PIEZO2: variants seen among roughly 807,000 people sequenced by gnomAD.
PIEZO2 encodes the protein piezo-type mechanosensitive ion channel component 2.
PIEZO2 carries 172 observed loss-of-function variants against 337.3 expected under a neutral mutation model. That is an observed-to-expected ratio of 0.51 (90% CI 0.45 to 0.58). The LOEUF (loss-of-function observed/expected upper bound fraction) is 0.58, where lower values mean the gene tolerates loss of function less well. Ranked by LOEUF, PIEZO2 falls within the 20% of genes least tolerant of loss-of-function variation. The pLI, the probability that PIEZO2 is intolerant of heterozygous loss-of-function variation, is 0.00. For synonymous variants in PIEZO2, 1,251 were observed against 1,228.5 expected, an observed-to-expected ratio of 1.02 and a Z score of -0.38; for missense variants, 3,028 against 3,391.3, an observed-to-expected ratio of 0.89 and a Z score of 2.66.
intron 3 of PIEZO2, among the ~76,000 whole-genome samples, chr18:10,976,010 A>T (rs2034429773): frequency 6.6e-6 from 1 of 152,232 alleles, no homozygotes; most frequent in African/African-American, 2.4e-5. Flanking sequence ...TATCGAAATG[A>T]CTGAGTTGTG....
chr18:10,914,900 C>T (rs1431431959), intron 3 of PIEZO2, among the ~76,000 whole-genome samples: 5 of 152,088 alleles, frequency 3.3e-5, no homozygotes, highest in African/African-American at 1.2e-4. Context: ...TCCAGGGTGA[C>T]AAACCAGCCT....
chr18:10,719,194 A>T (rs1186592971), intron 36 of PIEZO2, among the ~76,000 whole-genome samples: 1 of 152,144 alleles, frequency 6.6e-6, no homozygotes, highest in Non-Finnish European at 1.5e-5. Context: ...GAAATTTTAA[A>T]TTTAAGAACA....
intron 49 of PIEZO2, among the ~76,000 whole-genome samples, chr18:10,688,820 C>T (rs778657895): frequency 1.1e-4 from 17 of 152,064 alleles, no homozygotes; most frequent in Non-Finnish European, 2.1e-4. Context: ...CTCAATGTTC[C>T]TTCGATAGAG....
chr18:10,724,721 GGC>G lies in PIEZO2; in HGVS notation c.5030-6464_5030-6463del. The G allele has an allele frequency of 6.9e-7, 1 of 1,440,358 alleles. No homozygotes were observed. Among genetic ancestry groups the G allele is most frequent in the Non-Finnish European group, 9.5e-7 (1 of 1,056,294 alleles). The allele number at this position is 1,440,358 out of a possible 1,614,324, so 89.2% of individuals were successfully genotyped here. A position where few individuals can be genotyped will look rare whatever the true frequency, so the allele number is the denominator to read the frequency against. The stretch of plus-strand genomic sequence containing the variant: ...AGGCTGAAGCACTCAGACCGAGATG[GGC>G]CACCACTGTACCCCTGGTCTCAGTC... On this transcript the variant is annotated intron_variant, in intron 36 of 55. Transcript: ENST00000674853. The surrounding 1 kb of genome is among the most constrained non-coding windows in gnomAD (Gnocchi z 5.8).
chr18:10,736,281 A>T (rs577218357), intron 34 of PIEZO2, among the ~76,000 whole-genome samples: 1 of 55,850 alleles, frequency 1.8e-5, no homozygotes, highest in East Asian at 7.4e-4. Flanking sequence ...AATGCCAGAG[A>T]AGTCTTTTTC....
intron 2 of PIEZO2, among the ~76,000 whole-genome samples, chr18:11,060,911 C>T (rs548906939): frequency 3.5e-4 from 53 of 152,306 alleles, no homozygotes; most frequent in Non-Finnish European, 6.0e-4. Flanking sequence ...TTTTATGAGG[C>T]CAGCATCATC....
intron 4 of PIEZO2, among the ~76,000 whole-genome samples, chr18:10,910,250 C>A (rs1354971467): frequency 6.6e-6 from 1 of 152,132 alleles, no homozygotes; most frequent in Non-Finnish European, 1.5e-5. Context: ...GAAAGCTGTG[C>A]AAAATGCTAA....
At chr18:11,119,916 T>A (rs944619684) in intron 1 of PIEZO2, among the ~76,000 whole-genome samples, 1 of 152,242 alleles carries the variant, frequency 6.6e-6, no homozygotes, top group African/African-American at 2.4e-5. Flanking sequence ...TACTACCTAG[T>A]TGATACTTCA....
At chr18:10,958,361 T>C (rs893322033) in intron 3 of PIEZO2, among the ~76,000 whole-genome samples, 1 of 151,460 alleles carries the variant, frequency 6.6e-6, no homozygotes, top group Non-Finnish European at 1.5e-5. Context: ...AGGGGGAAGT[T>C]GAGGAGAGGG....
chr18:10,818,730 T>C (rs2040436554), intron 7 of PIEZO2, among the ~76,000 whole-genome samples: 1 of 152,182 alleles, frequency 6.6e-6, no homozygotes, highest in Non-Finnish European at 1.5e-5. Context: ...GTATTGTATG[T>C]TCATATTAGT....
At chr18:10,923,769 C>A (rs1307831218) in intron 3 of PIEZO2, among the ~76,000 whole-genome samples, 3 of 152,032 alleles carry the variant, frequency 2.0e-5, no homozygotes, top group African/African-American at 7.2e-5. Context: ...AGTACCCATG[C>A]CTGCAATTTC....
intron 7 of PIEZO2, among the ~76,000 whole-genome samples, chr18:10,825,144 G>A (rs752820160): frequency 5.3e-5 from 8 of 152,154 alleles, no homozygotes; most frequent in Admixed American, 2.0e-4. Context: ...GATTACAGGA[G>A]TGAGCCATCA....
At chr18:10,905,876 G>A (rs987398670) in intron 4 of PIEZO2, among the ~76,000 whole-genome samples, 1 of 152,098 alleles carries the variant, frequency 6.6e-6, no homozygotes, top group Non-Finnish European at 1.5e-5. Context: ...CATTGCCCAC[G>A]GCACCAGGGT....
At chr18:10,687,588 A>G (rs2143582965) in intron 49 of PIEZO2, among the ~76,000 whole-genome samples, 1 of 152,266 alleles carries the variant, frequency 6.6e-6, no homozygotes. Context: ...GACTTTGCCA[A>G]CCCTATCATT....
intron 4 of PIEZO2, among the ~76,000 whole-genome samples, chr18:10,880,896 T>C (rs1336012661): frequency 3.1e-5 from 3 of 97,392 alleles, no homozygotes; most frequent in African/African-American, 7.5e-5. Context: ...TATATATATA[T>C]ATATAATTTT....
At chr18:11,118,477 A>G (rs775296813) in intron 1 of PIEZO2, among the ~76,000 whole-genome samples, 7 of 152,252 alleles carry the variant, frequency 4.6e-5, no homozygotes, top group South Asian at 2.1e-4. Flanking sequence ...ACATTATAGA[A>G]AATAGTAAGG....
rs1213451545 is a variant in PIEZO2 at position 10,746,399 on chromosome 18, T to C, written c.4424+2072A>G. Among the ~76,000 whole-genome samples the C allele has an allele frequency of 6.6e-6, 1 of 152,204 alleles. No homozygotes were observed. The highest frequency in any genetic ancestry group is 1.9e-4 in the East Asian group (1 of 5,182). ...AGCTTCTGATGGCTACTTCCCTCCG[T>C]AGTTTCACTGGGCTGCTTCCCCTGC... On this transcript the variant is annotated intron_variant, in intron 30 of 55. Transcript: ENST00000674853. The surrounding 1 kb of genome is among the most constrained non-coding windows in gnomAD (Gnocchi z 4.2).
intron 2 of PIEZO2, among the ~76,000 whole-genome samples, chr18:10,996,375 AT>A (rs1365315516): frequency 6.6e-6 from 1 of 152,260 alleles, no homozygotes; most frequent in Non-Finnish European, 1.5e-5. Context: ...ATAATAAAAA[AT>A]AGATCATTTC....
In PIEZO2 at chr18:11,129,415, G is replaced by T. The variant is rs1467164410; in HGVS notation, c.64+19110C>A. Among the ~76,000 whole-genome samples, 1 of 146,138 alleles carries T rather than the reference G, an allele frequency of 6.8e-6. No homozygotes were observed. The highest frequency in any genetic ancestry group is 1.5e-5 in the Non-Finnish European group (1 of 65,776). On this transcript the variant is annotated intron_variant, in intron 1 of 55. Coordinates refer to ENST00000674853, the MANE Select transcript of PIEZO2 (RefSeq NM_001378183.1). This position sits in a 1 kb window ranked among gnomAD's most constrained non-coding sequence, Gnocchi z 4.6. ...TCATTCGTGTAGAGCTCTGGCATTG[G>T]CTAATTAATCATGGTGTTCCTAGAA... is the stretch of plus-strand genomic sequence containing the variant.
Sources: gnomAD v4.1 joint callset for allele counts (sites outside exome capture counted in the v4.1 genomes callset) on GRCh38, gnomAD v4.1.1 for gene constraint, Gnocchi (gnomAD v3.1) non-coding constraint, MANE v1.5 for transcripts, NCBI Gene and HGNC (gene_info 2026-07-23, HGNC 2026-07-21) for gene names.